NSMAF: variants seen among roughly 807,000 people sequenced by gnomAD.
The protein encoded by NSMAF is protein FAN.
In NSMAF, 90 loss-of-function variants were observed where a neutral mutation model predicts 134.9. That is an observed-to-expected ratio of 0.67 (90% confidence interval 0.56 to 0.79). The LOEUF is 0.79. Ranked by LOEUF, NSMAF falls within the 30% of genes least tolerant of loss-of-function variation. The pLI is 0.00. For missense variants in NSMAF, 1,010 were observed against 1,119.0 expected (o/e 0.90, Z 1.39); for synonymous variants, 358 against 389.6 (o/e 0.92, Z 0.96).
chr8:58,587,274 C>T (rs913408591), intron 27 of NSMAF, among the ~76,000 whole-genome samples: 4 of 152,166 alleles, frequency 2.6e-5, no homozygotes, highest in Non-Finnish European at 4.4e-5. Context: ...GCTTCTGGAT[C>T]AGAAAACATG....
intron 1 of NSMAF, among the ~76,000 whole-genome samples, chr8:58,644,115 T>C (rs1807392697): frequency 6.6e-6 from 1 of 152,210 alleles, no homozygotes; most frequent in South Asian, 2.1e-4. Context: ...AGGCAAAAGC[T>C]TTCATGAAAA....
At chr8:58,601,417 A>G in intron 15 of NSMAF, 28 bp downstream of exon 15, 1 of 1,611,818 alleles carries the variant, frequency 6.2e-7, no homozygotes, top group Non-Finnish European at 8.5e-7. Flanking sequence ...AATAAAATTT[A>G]ATTGGGGGTA....
intron 19 of NSMAF, among the ~76,000 whole-genome samples, chr8:58,598,854 C>T (rs6994565): frequency 0.067 from 10,222 of 151,940 alleles, 968 homozygotes; most frequent in African/African-American, 0.21. Flanking sequence ...GAAACCGTCA[C>T]GACCAAAAAA....
At chr8:58,642,110 T>C (rs1368417536) in intron 2 of NSMAF, among the ~76,000 whole-genome samples, 1 of 152,182 alleles carries the variant, frequency 6.6e-6, no homozygotes, top group African/African-American at 2.4e-5. Flanking sequence ...CATAAGCTAC[T>C]AAACAAAAAA....
At chr8:58,599,496 T>C in intron 18 of NSMAF, 133 bp from the exon 19 acceptor site, 2 of 1,117,034 alleles carry the variant, frequency 1.8e-6, no homozygotes, top group Non-Finnish European at 2.5e-6. Context: ...GTTTTCTTTT[T>C]CTATCATATG....
intron 23 of NSMAF, among the ~76,000 whole-genome samples, chr8:58,591,668 G>T (rs1352368960): frequency 6.6e-6 from 1 of 151,760 alleles, no homozygotes; most frequent in Non-Finnish European, 1.5e-5. Context: ...TGTATTTTTA[G>T]TAGAGACTGG....
chr8:58,586,278 A>C (rs112957608), intron 28 of NSMAF, 180 bp downstream of exon 28: 5 of 646,934 alleles, frequency 7.7e-6, no homozygotes, highest in Non-Finnish European at 1.3e-5. Flanking sequence ...ACCTGATACA[A>C]ATGCCACAAG....
Position 58,609,706 on chromosome 8 carries a change from G to A in NSMAF, c.585C>T (p.His195=). The part of the protein sequence containing the change: ...NRFQNISEKL[H]MECKAEMVTP... ...TCACCATTTCTGCTTTGCATTCCAT[G>A]TGCAGCTTTTCAGAAATGTTTTGGA... The change falls in exon 10 of 31, where the codon CAC becomes CAT. Residue 195 remains histidine (H), a synonymous_variant. Transcript: ENST00000038176. The A allele has an allele frequency of 6.2e-7, 1 of 1,614,132 alleles. No homozygotes were observed. Among genetic ancestry groups the A allele is most frequent in the Non-Finnish European group, 8.5e-7 (1 of 1,179,998 alleles).
chr8:58,609,266 T>C (rs1315147244), intron 10 of NSMAF, among the ~76,000 whole-genome samples: 2 of 152,204 alleles, frequency 1.3e-5, no homozygotes, highest in African/African-American at 4.8e-5. Context: ...TTAATCATAG[T>C]ATATTTCACT....
intron 19 of NSMAF, among the ~76,000 whole-genome samples, chr8:58,598,507 A>G (rs910339981): frequency 7.3e-5 from 9 of 123,576 alleles, no homozygotes; most frequent in Non-Finnish European, 1.1e-4. Flanking sequence ...AAAAAAAAAA[A>G]AAAAGAAAAA....
intron 27 of NSMAF, among the ~76,000 whole-genome samples, chr8:58,587,416 T>C (rs1805910395): frequency 1.3e-5 from 2 of 152,132 alleles, no homozygotes; most frequent in South Asian, 4.1e-4. Flanking sequence ...TGCAAAGAAG[T>C]AACTTGGAGA....
Position 58,606,035 on chromosome 8 carries a change from C to A in NSMAF, c.760G>T (p.Gly254Cys). 1 of 1,520,384 alleles carries A rather than the reference C, an allele frequency of 6.6e-7. No homozygotes were observed. Among genetic ancestry groups the A allele is most frequent in the East Asian group, 2.4e-5 (1 of 41,882 alleles). The allele number at this position is 1,520,384 out of a possible 1,614,324, so 94.2% of individuals were successfully genotyped here. A position where few individuals can be genotyped will look rare whatever the true frequency, so the allele number is the denominator to read the frequency against. The change falls in exon 12 of 31, where the codon GGC becomes TGC. Residue 254 changes from glycine (G) to cysteine (C), a missense_variant and splice_region_variant. Transcript: ENST00000038176. ...TCTTCTGTGCAAAATACTTCCAAGC[C>A]CTATAAATTCAAAAAGAAAATAATA... is the stretch of plus-strand genomic sequence containing the variant. Reference protein sequence around the residue: ...YKRRHGLMPLGLEVFCTEDDL... With the variant: ...YKRRHGLMPLCLEVFCTEDDL...
chr8:58,625,115 G>A (rs1462041971), intron 6 of NSMAF, among the ~76,000 whole-genome samples: 2 of 152,116 alleles, frequency 1.3e-5, no homozygotes, highest in African/African-American at 4.8e-5. Context: ...GGGCCTCATC[G>A]GATCCATTGA....
intron 1 of NSMAF, 68 bp downstream of exon 1, chr8:58,659,505 C>T (rs752864254): frequency 3.5e-5 from 52 of 1,490,276 alleles, no homozygotes; most frequent in Non-Finnish European, 4.4e-5. Flanking sequence ...CTCAGATCTC[C>T]GGCCGGCGTC....
intron 14 of NSMAF, 143 bp from the exon 15 acceptor site, chr8:58,601,678 A>T: frequency 3.2e-6 from 4 of 1,262,778 alleles, no homozygotes; most frequent in Non-Finnish European, 4.2e-6. Context: ...AGGAGAAGAT[A>T]AGAGGGAAAG....
rs1219044316 is a variant in NSMAF at position 58,584,113 on chromosome 8, T to TGGAAAAG, written c.2746_2747insCTTTTCC (p.Gln916ProfsTer14). ...CAGGAGAGGAAAAGGCACTTAATAC[T>TGGAAAAG]GCAATTTCCAGAATATAATTTGTCT... On this transcript the variant is annotated frameshift_variant, in exon 31 of 31. Coordinates refer to ENST00000038176, the MANE Select transcript of NSMAF (RefSeq NM_003580.4). LOFTEE classifies it high-confidence loss of function. 6.2e-7 allele frequency: 1 copy of TGGAAAAG among 1,611,666 alleles called. No individual in the cohort carries two copies. Among genetic ancestry groups the TGGAAAAG allele is most frequent in the South Asian group, 1.1e-5 (1 of 91,038 alleles).
At chr8:58,633,414 T>G (rs1807101140) in intron 5 of NSMAF, among the ~76,000 whole-genome samples, 1 of 152,230 alleles carries the variant, frequency 6.6e-6, no homozygotes, top group South Asian at 2.1e-4. Flanking sequence ...CTCTTCTCAG[T>G]GAGGCATCCC....
intron 25 of NSMAF, 125 bp downstream of exon 25, chr8:58,589,875 CTCTAATA>C (rs1805982862): frequency 1.4e-6 from 1 of 716,892 alleles, no homozygotes; most frequent in African/African-American, 1.8e-5. Context: ...CTGTCCTCAT[CTCTAATA>C]TCTGTTCCCT....
rs139321192 is a variant in NSMAF at position 58,587,472 on chromosome 8, C to G, written c.2295+146G>C. 1.8e-3 allele frequency: 1,087 copies of G among 616,952 alleles called. 2 individuals carry two copies. The highest frequency in any genetic ancestry group is 2.6e-3 in the Non-Finnish European group (891 of 347,828). The allele number at this position is 616,952 out of a possible 1,614,324, so 38.2% of individuals were successfully genotyped here. On this transcript the variant is annotated intron_variant, in intron 27 of 30. Coordinates refer to ENST00000038176, the MANE Select transcript of NSMAF (RefSeq NM_003580.4). ...TAGACTTGGAAACCTAAAGAGTCAACACAAAGAAAAGAACTGAGATTTAGC... is the reference window on the plus strand; with the variant it reads ...TAGACTTGGAAACCTAAAGAGTCAAGACAAAGAAAAGAACTGAGATTTAGC...
Sources: gnomAD v4.1 joint callset for allele counts (sites outside exome capture counted in the v4.1 genomes callset) on GRCh38, gnomAD v4.1.1 for gene constraint, MANE v1.5 for transcripts, NCBI Gene and HGNC (gene_info 2026-07-23, HGNC 2026-07-21) for gene names.